TENM3: variants seen among roughly 807,000 people sequenced by gnomAD.
TENM3 encodes the protein teneurin transmembrane protein 3.
A neutral mutation model predicts 255.1 loss-of-function variants in TENM3; 63 were observed. The ratio of observed to expected loss-of-function variants is 0.25; its 90% CI spans 0.20 to 0.30. TENM3 has a LOEUF of 0.30. Among genes scored for constraint, TENM3 ranks in the 10% least tolerant of loss-of-function variants. The pLI is 1.00. For synonymous variants in TENM3, 1,306 were observed against 1,322.3 expected (o/e 0.99, Z 0.27); for missense variants, 2,929 against 3,461.1 (o/e 0.85, Z 3.86).
At chr4:182,788,268 C>A (rs746636335) in intron 24 of TENM3, among the ~76,000 whole-genome samples, 15 of 152,172 alleles carry the variant, frequency 9.9e-5, no homozygotes, top group Non-Finnish European at 5.9e-5. Flanking sequence ...TCACAGCCTG[C>A]AAACACTGGA....
chr4:182,638,848 C>T (rs1752065158), intron 5 of TENM3, among the ~76,000 whole-genome samples: 1 of 152,196 alleles, frequency 6.6e-6, no homozygotes, highest in South Asian at 2.1e-4. Context: ...AGTAAGCCTC[C>T]ACCTGCCCCT....
At chr4:182,623,542 G>C (rs547938849) in intron 4 of TENM3, among the ~76,000 whole-genome samples, 1 of 150,596 alleles carries the variant, frequency 6.6e-6, no homozygotes, top group African/African-American at 2.4e-5. Context: ...TGTGTTGGCC[G>C]GGCTGGTCTC....
the TENM3 span, among the ~76,000 whole-genome samples, chr4:181,473,418 T>A: frequency 6.6e-6 from 1 of 151,828 alleles, no homozygotes; most frequent in Non-Finnish European, 1.5e-5. Flanking sequence ...GGAGAACCCA[T>A]CTCTACAAAA....
At chr4:182,150,378 A>G (rs116092494) in intron 1 of TENM3, among the ~76,000 whole-genome samples, 6,677 of 152,170 alleles carry the variant, frequency 0.044, 201 homozygotes, top group Non-Finnish European at 0.062. Flanking sequence ...TTTGTCATTT[A>G]TTTTAATTGG....
Position 182,751,996 on chromosome 4 carries a change from G to A in TENM3, c.3826G>A (p.Gly1276Arg). 6.2e-7 allele frequency: 1 copy of A among 1,612,846 alleles called. No homozygotes were observed. The highest frequency in any genetic ancestry group is 1.1e-5 in the South Asian group (1 of 91,012). ...PFDEARCGDG[G>R]KAVEATLMSP... ...TGACGAGGCGAGATGTGGGGATGGA[G>A]GGAAGGCCGTGGAAGCCACACTCAT... Residue 1276 changes from glycine (G) to arginine (R), a missense_variant, in exon 20 of 28, where the codon GGG becomes AGG. Physicochemically the swap from Gly to Arg is moderately radical, Grantham distance 125. Coordinates refer to ENST00000511685, the MANE Select transcript of TENM3 (RefSeq NM_001080477.4).
the TENM3 span, among the ~76,000 whole-genome samples, chr4:181,874,134 G>C: frequency 6.6e-6 from 1 of 151,874 alleles, no homozygotes; most frequent in African/African-American, 2.4e-5. Flanking sequence ...GGCCAGGCTG[G>C]TCTCAAACTC....
the TENM3 span, among the ~76,000 whole-genome samples, chr4:181,879,880 GA>G: frequency 0.079 from 11,998 of 151,794 alleles, 724 homozygotes; most frequent in East Asian, 0.32. Context: ...TAAAAGTTAA[GA>G]AAAAAAGTGT....
chr4:181,741,436 T>C, the TENM3 span, among the ~76,000 whole-genome samples: 1 of 152,182 alleles, frequency 6.6e-6, no homozygotes, highest in African/African-American at 2.4e-5. Flanking sequence ...CACTGTGTGC[T>C]TCATTAGTCT....
intron 3 of TENM3, among the ~76,000 whole-genome samples, chr4:182,506,535 T>A (rs547155853): frequency 2.0e-5 from 3 of 152,226 alleles, no homozygotes; most frequent in African/African-American, 4.8e-5. Flanking sequence ...TTGTCTGGTA[T>A]GTGTATTATA....
At chr4:182,776,061 T>TGCAG (rs1764671400) in intron 24 of TENM3, among the ~76,000 whole-genome samples, 1 of 151,902 alleles carries the variant, frequency 6.6e-6, no homozygotes. Context: ...AAATTTACCC[T>TGCAG]ATACTACCTC....
intron 3 of TENM3, among the ~76,000 whole-genome samples, chr4:182,554,707 C>G (rs962487266): frequency 3.9e-5 from 6 of 151,976 alleles, no homozygotes; most frequent in African/African-American, 1.5e-4. Flanking sequence ...AGTGGCAGTT[C>G]AAATGCTCAT....
the TENM3 span, among the ~76,000 whole-genome samples, chr4:181,448,076 C>T: frequency 6.6e-6 from 1 of 151,112 alleles, no homozygotes; most frequent in African/African-American, 2.4e-5. Context: ...TTCAACCTTA[C>T]CATCGTATTT....
the TENM3 span, among the ~76,000 whole-genome samples, chr4:181,600,059 T>C: frequency 6.6e-6 from 1 of 152,248 alleles, no homozygotes; most frequent in Non-Finnish European, 1.5e-5. Flanking sequence ...TTTTGGTTAT[T>C]TTCAGACTTA....
At chr4:181,619,304 G>A in the TENM3 span, among the ~76,000 whole-genome samples, 1 of 152,148 alleles carries the variant, frequency 6.6e-6, no homozygotes, top group South Asian at 2.1e-4. Flanking sequence ...AAAGCCTTCT[G>A]TGATCCTGTT....
chr4:181,899,591 C>G, the TENM3 span, among the ~76,000 whole-genome samples: 4 of 151,630 alleles, frequency 2.6e-5, no homozygotes, highest in Admixed American at 2.6e-4. Context: ...TTTTTTGAGA[C>G]AGAGTCTCTC....
chr4:181,902,112 A>G, the TENM3 span, among the ~76,000 whole-genome samples: 1 of 28,018 alleles, frequency 3.6e-5, no homozygotes, highest in Admixed American at 4.4e-4. Context: ...TGTGCATGTG[A>G]GCATACACAC....
the TENM3 span, among the ~76,000 whole-genome samples, chr4:181,788,692 G>A: frequency 5.3e-5 from 8 of 152,206 alleles, no homozygotes; most frequent in African/African-American, 1.2e-4. Flanking sequence ...GGAATCGCTC[G>A]AGCGATCTTC....
chr4:181,529,820 A>G, the TENM3 span, among the ~76,000 whole-genome samples: 1 of 152,322 alleles, frequency 6.6e-6, no homozygotes, highest in Non-Finnish European at 1.5e-5. Flanking sequence ...GTACTTGGAA[A>G]ATATTTGTTG....
At chr4:182,022,935 G>GA in the TENM3 span, among the ~76,000 whole-genome samples, 2 of 152,096 alleles carry the variant, frequency 1.3e-5, no homozygotes, top group East Asian at 1.9e-4. Flanking sequence ...TGAGGAGGGA[G>GA]AAAAAACGCC....
Sources: allele counts gnomAD v4.1 joint callset (sites outside exome capture counted in the v4.1 genomes callset), GRCh38; gene constraint gnomAD v4.1.1; transcripts MANE v1.5; gene names NCBI Gene and HGNC (gene_info 2026-07-23, HGNC 2026-07-21).